AGTPBP1: variants seen among roughly 807,000 people sequenced by gnomAD.
AGTPBP1 encodes cytosolic carboxypeptidase 1.
Under a neutral mutation model 143.9 loss-of-function variants are expected in AGTPBP1, and 70 were observed. The observed-to-expected ratio is 0.49, with a 90% CI of 0.40 to 0.59. The LOEUF is 0.59. Ranked by LOEUF, AGTPBP1 falls within the 20% of genes least tolerant of loss-of-function variation. The pLI, the probability that AGTPBP1 is intolerant of heterozygous loss-of-function variation, is 0.00. For missense variants in AGTPBP1, 1,229 were observed against 1,464.5 expected (o/e 0.84, Z 2.62); for synonymous variants, 463 against 500.2 (o/e 0.93, Z 0.99).
At chr9:85,571,389 G>C (rs1423974214) in intron 25 of AGTPBP1, among the ~76,000 whole-genome samples, 2 of 152,104 alleles carry the variant, frequency 1.3e-5, no homozygotes, top group Non-Finnish European at 2.9e-5. Context: ...AAACATAACA[G>C]AAGTTTGAAG....
chr9:85,621,287 T>C lies in AGTPBP1; in HGVS notation c.2016-2A>G. On this transcript the variant is annotated splice_acceptor_variant, in intron 14 of 25. Coordinates refer to ENST00000357081, the MANE Select transcript of AGTPBP1 (RefSeq NM_001330701.2). LOFTEE classifies it high-confidence loss of function. ...TCAATATCTTGAGCAATTTTTGTCC[T>C]GAAATCATAAAGGTTTAACCAAAAT... 7.0e-7 allele frequency: 1 copy of C among 1,429,638 alleles called. No homozygotes were observed. Among genetic ancestry groups the C allele is most frequent in the Non-Finnish European group, 9.2e-7 (1 of 1,090,730 alleles). The allele number at this position is 1,429,638 out of a possible 1,614,324, so 88.6% of individuals were successfully genotyped here.
At position 85,741,361 on chromosome 9, in the gene AGTPBP1, C is replaced by A. The variant is rs1032359930; in HGVS notation, c.-34+414G>T. 22 of 984,244 alleles carry A rather than the reference C, an allele frequency of 2.2e-5. No homozygotes were observed. The African/African-American group carries it at 3.3e-4, about 15-fold the overall frequency. The allele number at this position is 984,244 out of a possible 1,614,324, so 61.0% of individuals were successfully genotyped here. The stretch of plus-strand genomic sequence containing the variant: ...CCGCTACCACTGGGGCGGGGGAGAG[C>A]GGGGCTGGGCGCGCCCGCCCCCGGC... On this transcript the variant is annotated intron_variant, in intron 1 of 25. Transcript: ENST00000357081.
chr9:85,591,195 G>C (rs150186131), intron 19 of AGTPBP1, among the ~76,000 whole-genome samples: 322 of 151,342 alleles, frequency 2.1e-3, no homozygotes, highest in African/African-American at 7.4e-3. Context: ...AAAAAAAAAG[G>C]GGGGGAGTAC....
At chr9:85,627,270 A>G (rs555590491) in intron 14 of AGTPBP1, among the ~76,000 whole-genome samples, 5 of 152,252 alleles carry the variant, frequency 3.3e-5, no homozygotes, top group African/African-American at 1.2e-4. Context: ...ACACACACAC[A>G]CAGAGTGGGA....
chr9:85,561,802 T>A (rs1826747334), intron 25 of AGTPBP1, among the ~76,000 whole-genome samples: 1 of 151,480 alleles, frequency 6.6e-6, no homozygotes, highest in African/African-American at 2.4e-5. Flanking sequence ...ATAAGAATCC[T>A]GTATTGTCCA....
the AGTPBP1 span, among the ~76,000 whole-genome samples, chr9:85,773,320 CTTTTTTTTTTTTTTTT>C: frequency 1.4e-3 from 42 of 29,946 alleles, no homozygotes; most frequent in African/African-American, 5.3e-3. Flanking sequence ...CCAACAAATT[CTTTTTTTTTTTTTTTT>C]TTTTTTTTTT....
At chr9:85,583,307 T>C (rs1287114855) in intron 23 of AGTPBP1, among the ~76,000 whole-genome samples, 2 of 152,180 alleles carry the variant, frequency 1.3e-5, no homozygotes, top group African/African-American at 4.8e-5. Flanking sequence ...AATATGATTA[T>C]AAAATTATGG....
rs1403161517 is a variant in AGTPBP1, at chr9:85,712,557, T to G, written c.-24A>C. On this transcript the variant is annotated 5_prime_UTR_variant, in exon 2 of 26. Transcript: ENST00000357081. ...ATCTTGAGTTACTTCATTTCATAAT[T>G]GCAGATAATCTAAAAGAAAAATGTT... 2.1e-6 allele frequency: 3 copies of G among 1,451,400 alleles called. No homozygotes were observed. The highest frequency in any genetic ancestry group is 2.8e-6 in the Non-Finnish European group (3 of 1,079,058). 89.9% of individuals were successfully genotyped at this position (1,451,400 alleles called of 1,614,324 possible). A position where few individuals can be genotyped will look rare whatever the true frequency, so the allele number is the denominator to read the frequency against.
intron 3 of AGTPBP1, among the ~76,000 whole-genome samples, chr9:85,681,760 T>TTG: frequency 6.8e-6 from 1 of 147,768 alleles, no homozygotes. Context: ...TTTTTTTTTT[T>TTG]TTTTTTTGAG....
upstream of AGTPBP1, among the ~76,000 whole-genome samples, chr9:85,745,015 T>C (rs1330005167): frequency 6.6e-6 from 1 of 152,256 alleles, no homozygotes; most frequent in African/African-American, 2.4e-5. Context: ...AGTTGGACTA[T>C]ATAATGGAAT....
At chr9:85,723,333 A>C (rs1838255130) in intron 1 of AGTPBP1, among the ~76,000 whole-genome samples, 3 of 152,230 alleles carry the variant, frequency 2.0e-5, no homozygotes, top group Admixed American at 2.0e-4. Context: ...GGCTCCACCC[A>C]GTTCGAGCTT....
At chr9:85,643,176 A>G (rs1832605279) in intron 12 of AGTPBP1, among the ~76,000 whole-genome samples, 1 of 152,172 alleles carries the variant, frequency 6.6e-6, no homozygotes, top group Admixed American at 6.5e-5. Context: ...CTAATATAAC[A>G]GAGTATTCTG....
chr9:85,740,387 TA>T (rs1824173185), intron 1 of AGTPBP1, among the ~76,000 whole-genome samples: 1 of 152,188 alleles, frequency 6.6e-6, no homozygotes, highest in South Asian at 2.1e-4. Flanking sequence ...GAGCAAGTCA[TA>T]TTAGAACTCT....
chr9:85,677,738 C>T (rs1288203083), intron 5 of AGTPBP1, among the ~76,000 whole-genome samples, 156 bp from the exon 6 acceptor site: 1 of 152,114 alleles, frequency 6.6e-6, no homozygotes, highest in African/African-American at 2.4e-5. Flanking sequence ...CGCAGTAGCT[C>T]ACGCCTGTAA....
intron 18 of AGTPBP1, among the ~76,000 whole-genome samples, chr9:85,593,914 T>C (rs905993273): frequency 5.3e-5 from 8 of 152,204 alleles, no homozygotes; most frequent in African/African-American, 1.9e-4. Context: ...CTTGTATTAT[T>C]TAAGCCATGA....
intron 12 of AGTPBP1, among the ~76,000 whole-genome samples, chr9:85,644,045 C>T (rs531205937): frequency 1.3e-5 from 2 of 152,072 alleles, no homozygotes; most frequent in African/African-American, 4.8e-5. Flanking sequence ...ACCATACTTA[C>T]ACATATTAAC....
At chr9:85,640,043 G>A (rs1026317176) in intron 13 of AGTPBP1, among the ~76,000 whole-genome samples, 9 of 152,264 alleles carry the variant, frequency 5.9e-5, no homozygotes, top group Non-Finnish European at 1.3e-4. Context: ...GGTTGATGCT[G>A]AAAATAATAT....
chr9:85,662,640 C>T (rs910330735), intron 8 of AGTPBP1, among the ~76,000 whole-genome samples: 2 of 152,070 alleles, frequency 1.3e-5, no homozygotes, highest in African/African-American at 4.8e-5. Flanking sequence ...GTTACAGGTG[C>T]TTTATATATG....
chr9:85,736,246 T>C (rs1823759930), intron 1 of AGTPBP1, among the ~76,000 whole-genome samples: 1 of 152,232 alleles, frequency 6.6e-6, no homozygotes, highest in Non-Finnish European at 1.5e-5. Context: ...TAAGAAACTT[T>C]CTGTGAATAA....
Sources: gnomAD v4.1 joint callset for allele counts (sites outside exome capture counted in the v4.1 genomes callset) on GRCh38, gnomAD v4.1.1 for gene constraint, MANE v1.5 for transcripts, NCBI Gene and HGNC (gene_info 2026-07-23, HGNC 2026-07-21) for gene names.